CCDC57: variants seen among roughly 807,000 people sequenced by gnomAD.
CCDC57 encodes the protein coiled-coil domain-containing protein 57.
A neutral mutation model predicts 118.9 loss-of-function variants in CCDC57; 118 were observed. The observed-to-expected ratio is 0.99, with a 90% CI of 0.86 to 1.16. The LOEUF (loss-of-function observed/expected upper bound fraction) is 1.16. CCDC57 is among the 50% of genes most tolerant of loss of function. The probability of loss-of-function intolerance (pLI) is 0.00; values close to 1 mark genes in which losing one functional copy is unlikely to be tolerated. For missense variants in CCDC57, 1,300 were observed against 1,320.7 expected (o/e 0.98, Z 0.24); for synonymous variants, 527 against 532.9 (o/e 0.99, Z 0.15).
At chr17:82,203,118 C>T (rs537980481) in intron 2 of CCDC57, among the ~76,000 whole-genome samples, 7 of 152,312 alleles carry the variant, frequency 4.6e-5, no homozygotes, top group South Asian at 4.1e-4. Flanking sequence ...GGCTTGGTGC[C>T]GTCTTTGTGA....
chr17:82,121,838 C>T (rs535838497), intron 19 of CCDC57, among the ~76,000 whole-genome samples: 30 of 152,318 alleles, frequency 2.0e-4, no homozygotes, highest in Non-Finnish European at 3.7e-4. Flanking sequence ...ACAGTTACCA[C>T]GAGGAGATAA....
Position 82,183,951 on chromosome 17 carries a change from C to G in CCDC57, c.1053-19G>C. The G allele has an allele frequency of 1.3e-6, 2 of 1,588,104 alleles. No individual in the cohort carries two copies. Among genetic ancestry groups the G allele is most frequent in the Non-Finnish European group, 1.7e-6 (2 of 1,162,502 alleles). ...ACGAAGTCTAAACATAGAAGGGAAA[C>G]TATGTAGATGTGGTTCTCACTCACT... is the stretch of plus-strand genomic sequence containing the variant. On this transcript the variant is annotated intron_variant, in intron 8 of 19. Transcript: ENST00000665763.
intron 19 of CCDC57, chr17:82,126,741 C>G: frequency 1.0e-6 from 1 of 985,432 alleles, no homozygotes; most frequent in Non-Finnish European, 1.2e-6. Flanking sequence ...GGGGCACGTA[C>G]ACGTGTGTTT....
intron 16 of CCDC57, among the ~76,000 whole-genome samples, chr17:82,137,308 A>G (rs1233583844): frequency 6.6e-6 from 1 of 152,242 alleles, no homozygotes; most frequent in Admixed American, 6.5e-5. Flanking sequence ...GGCGTGAGCC[A>G]CTGCACCCAG....
chr17:82,145,573 T>C (rs1238419472), intron 16 of CCDC57, among the ~76,000 whole-genome samples: 3 of 150,510 alleles, frequency 2.0e-5, no homozygotes, highest in Non-Finnish European at 4.4e-5. Context: ...CATAAAGAAG[T>C]TTACTAGAAA....
rs536128920 is a variant in CCDC57 at position 82,146,213 on chromosome 17, T to G, written c.2455+5347A>C. 3.7e-4 allele frequency among the ~76,000 whole-genome samples: 56 copies of G among 152,248 alleles called. 1 individual carries two copies. Among genetic ancestry groups the G allele is most frequent in the African/African-American group, 1.1e-3 (47 of 41,548 alleles). On this transcript the variant is annotated intron_variant, in intron 16 of 19. Transcript: ENST00000665763. ...CCCCTGGCTGGACGGCTGTCCCACG[T>G]TGAATAATGATGATATGTTTGTCAC...
At chr17:82,171,540 C>T (rs1037792790) in intron 13 of CCDC57, among the ~76,000 whole-genome samples, 161 bp downstream of exon 12, 1 of 152,238 alleles carries the variant, frequency 6.6e-6, no homozygotes, top group Admixed American at 6.5e-5. Context: ...AGCCAGGGCA[C>T]GTGGGCTCTG....
At position 82,192,910 on chromosome 17, in the gene CCDC57, T is replaced by C. The variant is rs964939849; in HGVS notation, c.851+846A>G. 5.3e-5 allele frequency among the ~76,000 whole-genome samples: 8 copies of C among 152,162 alleles called. No homozygotes were observed. The highest frequency in any genetic ancestry group is 1.7e-4 in the African/African-American group (7 of 41,428). On this transcript the variant is annotated intron_variant, in intron 7 of 19. Transcript: ENST00000665763. This position sits in a 1 kb window ranked among gnomAD's most constrained non-coding sequence, Gnocchi z 4.0. The stretch of plus-strand genomic sequence containing the variant: ...CGCCGTTGTATTACACAGTGTCTTT[T>C]TGTATTTTTAGTAGAGATGGGGTTT...
intron 9 of CCDC57, among the ~76,000 whole-genome samples, chr17:82,181,979 G>C (rs548588619): frequency 6.6e-6 from 1 of 152,152 alleles, no homozygotes; most frequent in Non-Finnish European, 1.5e-5. Flanking sequence ...TTAGCCAGGC[G>C]TGGTGGCGCA....
chr17:82,198,787 G>A (rs1177182100), intron 3 of CCDC57, among the ~76,000 whole-genome samples: 9 of 151,676 alleles, frequency 5.9e-5, no homozygotes, highest in African/African-American at 1.9e-4. Context: ...TCAGGAGATC[G>A]AGAGCATCCT....
intron 1 of CCDC57, among the ~76,000 whole-genome samples, chr17:82,210,930 G>T (rs1264523243): frequency 2.0e-5 from 3 of 149,642 alleles, no homozygotes; most frequent in African/African-American, 4.9e-5. Context: ...GGAGGCAGAG[G>T]TTGCAGTGGG....
intron 8 of CCDC57, 143 bp from the exon 8 acceptor site, chr17:82,184,075 A>T: frequency 1.7e-6 from 1 of 588,124 alleles, no homozygotes; most frequent in Non-Finnish European, 3.0e-6. Flanking sequence ...ACACACACAC[A>T]CACACACAGC....
chr17:82,169,603 C>A (rs1219604568), intron 13 of CCDC57, among the ~76,000 whole-genome samples: 1 of 152,110 alleles, frequency 6.6e-6, no homozygotes, highest in South Asian at 2.1e-4. Context: ...GGCTGTCAAG[C>A]TCGGTGATGC....
chr17:82,127,511 C>T, intron 19 of CCDC57, 181 bp downstream of exon 18: 1 of 985,446 alleles, frequency 1.0e-6, no homozygotes, highest in Non-Finnish European at 1.2e-6. Context: ...TGCACCATAA[C>T]CCGGGAAACA....
intron 19 of CCDC57, among the ~76,000 whole-genome samples, chr17:82,115,792 CTTTTTTT>C (rs35213711): frequency 4.6e-5 from 3 of 65,682 alleles, no homozygotes; most frequent in African/African-American, 2.0e-4. Flanking sequence ...TTTATGCAAC[CTTTTTTT>C]TTTTTTTTTT....
At chr17:82,122,191 C>T (rs901536693) in intron 19 of CCDC57, among the ~76,000 whole-genome samples, 2 of 152,194 alleles carry the variant, frequency 1.3e-5, no homozygotes, top group Admixed American at 6.5e-5. Flanking sequence ...TGGCCGGCCT[C>T]GGGCTCTCAG....
intron 16 of CCDC57, among the ~76,000 whole-genome samples, chr17:82,137,252 A>C (rs12450189): frequency 0.47 from 71,125 of 151,706 alleles, 17,440 homozygotes; most frequent in East Asian, 0.88. Context: ...TCCTGCAAGC[A>C]TCCTATGATC....
chr17:82,132,966 G>C (rs1023642772), intron 17 of CCDC57, among the ~76,000 whole-genome samples: 2 of 151,998 alleles, frequency 1.3e-5, no homozygotes, highest in Admixed American at 1.3e-4. Flanking sequence ...CACCATGTTG[G>C]TCAGGCTGGT....
intron 4 of CCDC57, among the ~76,000 whole-genome samples, 195 bp downstream of exon 3, chr17:82,198,119 T>G (rs1249465775): frequency 6.6e-6 from 1 of 152,218 alleles, no homozygotes; most frequent in East Asian, 1.9e-4. Context: ...TGGAGGTGGC[T>G]GCATGTAGAC....
Sources: allele counts gnomAD v4.1 joint callset (sites outside exome capture counted in the v4.1 genomes callset), GRCh38; gene constraint gnomAD v4.1.1; non-coding constraint Gnocchi (gnomAD v3.1); transcripts MANE v1.5; gene names NCBI Gene and HGNC (gene_info 2026-07-23, HGNC 2026-07-21).